Variants in PLD3 observed in about 807,000 individuals in gnomAD.
The protein encoded by PLD3 is 5'-3' exonuclease PLD3.
A neutral mutation model predicts 58.4 loss-of-function variants in PLD3; 31 were observed. The ratio of observed to expected loss-of-function variants is 0.53; its 90% confidence interval spans 0.40 to 0.72. The LOEUF is 0.72. Ranked by LOEUF, PLD3 falls within the 30% of genes least tolerant of loss-of-function variation. PLD3 has a pLI of 0.00. For synonymous variants in PLD3, 264 were observed against 273.4 expected, an observed-to-expected ratio of 0.97 and a Z score of 0.34; for missense variants, 595 against 659.8, an observed-to-expected ratio of 0.90 and a Z score of 1.08.
Position 40,377,811 on chromosome 19 carries a change from A to G in PLD3, c.1211A>G (p.Glu404Gly). Reference sequence around the variant, plus strand: ...AAACTCTTTGTGGTCCCCGCGGATGAGGCCCAGGCTCGAATCCCATATGCC... The same window carrying G: ...AAACTCTTTGTGGTCCCCGCGGATGGGGCCCAGGCTCGAATCCCATATGCC... ...QVKLFVVPAD[E>G]AQARIPYARV... The change falls in exon 12 of 13, where the codon GAG becomes GGG. Residue 404 changes from glutamate to glycine, a missense_variant. Coordinates refer to ENST00000409735, the MANE Select transcript of PLD3 (RefSeq NM_012268.4). 1 of 1,613,802 alleles carries G rather than the reference A, an allele frequency of 6.2e-7. No homozygotes were observed. Among genetic ancestry groups the G allele is most frequent in the Non-Finnish European group, 8.5e-7 (1 of 1,179,792 alleles).
At chr19:40,361,443 G>A (rs777656397) in intron 1 of PLD3, among the ~76,000 whole-genome samples, 1 of 152,106 alleles carries the variant, frequency 6.6e-6, no homozygotes, top group Non-Finnish European at 1.5e-5. Context: ...ATCTGAAGCA[G>A]ATCACATCAT....
At chr19:40,371,621 C>A in intron 8 of PLD3, 52 bp from the exon 9 acceptor site, 1 of 1,276,508 alleles carries the variant, frequency 7.8e-7, no homozygotes, top group Non-Finnish European at 1.1e-6. Context: ...GTGTCCCTGT[C>A]ATCTGTGAGC....
intron 1 of PLD3, among the ~76,000 whole-genome samples, chr19:40,364,875 G>T (rs1004412563): frequency 2.0e-5 from 3 of 151,792 alleles, no homozygotes; most frequent in Admixed American, 2.0e-4. Flanking sequence ...GAGGCAGGAG[G>T]ATTGCTTGAG....
At chr19:40,357,911 TATTATTA>T (rs1320180850) in intron 1 of PLD3, 2 of 152,178 alleles carry the variant, frequency 1.3e-5, no homozygotes, top group African/African-American at 4.8e-5. Flanking sequence ...GTGAGGTTGG[TATTATTA>T]ATCTCCACAT....
chr19:40,377,972 C>G lies in PLD3; in HGVS notation c.1286-14C>G. 6.2e-7 allele frequency: 1 copy of G among 1,612,552 alleles called. No homozygotes were observed. The highest frequency in any genetic ancestry group is 1.3e-5 in the African/African-American group (1 of 75,006). ...CCCCGAGGGTGCCCTTATGCTCCAC[C>G]CATTCCTCTCTAGGAACCTCCAACT... is the stretch of plus-strand genomic sequence containing the variant. On this transcript the variant is annotated splice_polypyrimidine_tract_variant and intron_variant, in intron 12 of 12. Coordinates refer to ENST00000409735, the MANE Select transcript of PLD3 (RefSeq NM_012268.4).
intron 1 of PLD3, among the ~76,000 whole-genome samples, chr19:40,349,560 G>A (rs1321862942): frequency 5.9e-5 from 9 of 152,176 alleles, no homozygotes; most frequent in Admixed American, 4.6e-4. Flanking sequence ...TCTGCAAAAT[G>A]CACACGGGGA....
chr19:40,373,035 C>T (rs2079104582), intron 9 of PLD3, among the ~76,000 whole-genome samples: 1 of 152,200 alleles, frequency 6.6e-6, no homozygotes, highest in Non-Finnish European at 1.5e-5. Flanking sequence ...CTGGACAAGG[C>T]ACTGATGTTT....
intron 11 of PLD3, among the ~76,000 whole-genome samples, chr19:40,377,174 G>T (rs1177109868): frequency 7.1e-6 from 1 of 141,824 alleles, no homozygotes; most frequent in Non-Finnish European, 1.5e-5. Context: ...AGGCAGAGGG[G>T]TCGGGGCCAG....
rs1264005863 is a variant in PLD3 at position 40,376,759 on chromosome 19, C to T, written c.1170C>T (p.His390=). Reference sequence around the variant, plus strand: ...CTGCCCTGCGTGACAACCATACCCACTCTGACATCCAGGTGGTAAGTACTG... The same window carrying T: ...CTGCCCTGCGTGACAACCATACCCATTCTGACATCCAGGTGGTAAGTACTG... ...SLAALRDNHT[H]SDIQVKLFVV... The change falls in exon 11 of 13, where the codon CAC becomes CAT. Residue 390 remains histidine, a synonymous_variant. Coordinates refer to ENST00000409735, the MANE Select transcript of PLD3 (RefSeq NM_012268.4). The T allele has an allele frequency of 6.3e-7, 1 of 1,599,976 alleles. No individual in the cohort carries two copies. Among genetic ancestry groups the T allele is most frequent in the East Asian group, 2.2e-5 (1 of 44,864 alleles).
At chr19:40,362,028 G>A (rs980911611) in intron 1 of PLD3, among the ~76,000 whole-genome samples, 11 of 151,914 alleles carry the variant, frequency 7.2e-5, no homozygotes, top group Non-Finnish European at 1.5e-4. Flanking sequence ...GTAGAGATGG[G>A]ATTTCGCCAT....
At position 40,376,799 on chromosome 19, in the gene PLD3, T is replaced by A. The variant is rs777392967; in HGVS notation, c.1185+25T>A. ...GGTAAGTACTGCCCCAAGCCACCCC[T>A]TGGCCCCTGTGTGGGGCAGTCCTAG... On this transcript the variant is annotated intron_variant, in intron 11 of 12. Coordinates refer to ENST00000409735, the MANE Select transcript of PLD3 (RefSeq NM_012268.4). 3.1e-6 allele frequency: 5 copies of A among 1,592,602 alleles called. No individual in the cohort carries two copies. The East Asian group carries it at 8.9e-5, about 28-fold the overall frequency.
rs555098653 is a variant in PLD3, at chr19:40,374,259, C to T, written c.880-222C>T. On this transcript the variant is annotated intron_variant, in intron 9 of 12. Transcript: ENST00000409735. ...CAGACAGCCTGGGTTCGAATCCTGG[C>T]TCCATTTATCTGCTGTGTGACTTTA... is the stretch of plus-strand genomic sequence containing the variant. Among the ~76,000 whole-genome samples, 9 of 152,294 alleles carry T rather than the reference C, an allele frequency of 5.9e-5. No individual in the cohort carries two copies. The East Asian group carries it at 1.7e-3, about 29-fold the overall frequency.
rs980312359 is a variant in PLD3 at position 40,364,840 on chromosome 19, T to C, written c.-278-878T>C. ...GCAGCTGGGCATGGTGGCACGTGCC[T>C]GTAGTCCCAGCTGCTTGGGAGGCTG... On this transcript the variant is annotated intron_variant, in intron 1 of 12. Transcript: ENST00000409735. Among the ~76,000 whole-genome samples, 14 of 149,794 alleles carry C rather than the reference T, an allele frequency of 9.3e-5. No homozygotes were observed. In the East Asian group the frequency reaches 2.7e-3, roughly 29 times the overall value.
intron 1 of PLD3, among the ~76,000 whole-genome samples, chr19:40,353,137 A>C (rs1214532631): frequency 6.6e-6 from 1 of 152,168 alleles, no homozygotes; most frequent in African/African-American, 2.4e-5. Flanking sequence ...CTGGAATACA[A>C]CTGAGCTCTG....
At chr19:40,364,416 G>T (rs1009427092) in intron 1 of PLD3, among the ~76,000 whole-genome samples, 1 of 151,952 alleles carries the variant, frequency 6.6e-6, no homozygotes, top group African/African-American at 2.4e-5. Context: ...ACTTTGGGAG[G>T]CCAAGGTAGG....
chr19:40,374,440 C>T (rs956161640), intron 9 of PLD3, 41 bp from the exon 10 acceptor site: 7 of 1,609,914 alleles, frequency 4.3e-6, no homozygotes, highest in African/African-American at 2.7e-5. Flanking sequence ...GTGACGATGA[C>T]CCTGGCAGGG....
At position 40,365,753 on chromosome 19, in the gene PLD3, T is replaced by C. The variant is rs542040557; in HGVS notation, c.-243T>C. 1.3e-5 allele frequency: 2 copies of C among 152,728 alleles called. No individual in the cohort carries two copies. Among genetic ancestry groups the C allele is most frequent in the East Asian group, 3.9e-4 (2 of 5,180 alleles). 9.5% of individuals were successfully genotyped at this position (152,728 alleles called of 1,614,324 possible). ...CCGTGTCTGGGGAGCCGAGCCCCGC[T>C]TCTCGCTGCGGTGAGCCCGGACTGG... On this transcript the variant is annotated 5_prime_UTR_variant, in exon 2 of 13. Coordinates refer to ENST00000409735, the MANE Select transcript of PLD3 (RefSeq NM_012268.4).
chr19:40,373,598 A>C (rs1345544243), intron 9 of PLD3, among the ~76,000 whole-genome samples: 6 of 136,146 alleles, frequency 4.4e-5, no homozygotes, highest in East Asian at 2.4e-4. Flanking sequence ...AAGGGGGGGA[A>C]GCGGGGGAGC....
chr19:40,367,380 A>G, intron 5 of PLD3: 1 of 282,510 alleles, frequency 3.5e-6, no homozygotes, highest in East Asian at 6.3e-5. Flanking sequence ...CAGGAGTTCC[A>G]GACCAGCCTG....
Sources: gnomAD v4.1 joint callset for allele counts (sites outside exome capture counted in the v4.1 genomes callset) on GRCh38, gnomAD v4.1.1 for gene constraint, MANE v1.5 for transcripts, NCBI Gene and HGNC (gene_info 2026-07-23, HGNC 2026-07-21) for gene names.